Variants in MSI2 observed in about 807,000 individuals in gnomAD.
MSI2 encodes the protein RNA-binding protein Musashi homolog 2.
Under a neutral mutation model 45.6 loss-of-function variants are expected in MSI2, and 17 were observed. The observed-to-expected ratio is 0.37, with a 90% CI of 0.26 to 0.56. MSI2 has a LOEUF of 0.56. MSI2 is among the 20% of genes least tolerant of loss of function. The pLI, the probability that MSI2 is intolerant of heterozygous loss-of-function variation, is 0.77. For missense variants in MSI2, 293 were observed against 444.2 expected (o/e 0.66, Z 3.06); for synonymous variants, 156 against 158.2 (o/e 0.99, Z 0.11).
At chr17:57,616,396 T>C (rs11079314) in intron 9 of MSI2, 32,634 of 196,812 alleles carry the variant, frequency 0.17, 3,227 homozygotes, top group East Asian at 0.39. Flanking sequence ...GAAGGAAAAG[T>C]CCCCCTCTAT....
chr17:57,673,377 T>C lies in MSI2; in HGVS notation c.791-1595T>C, dbSNP rs7226355. ...CTTTGCCTCTGCCATTGAAGGCAAC[T>C]GGTCATAGGGCAGAGGGGGAGAAGC... On this transcript the variant is annotated intron_variant, in intron 11 of 13. Transcript: ENST00000284073. 9.8e-3 allele frequency among the ~76,000 whole-genome samples: 1,489 copies of C among 152,246 alleles called. 29 individuals are homozygous for C. Among genetic ancestry groups the C allele is most frequent in the African/African-American group, 0.034 (1,405 of 41,536 alleles).
At chr17:57,693,543 G>A in the MSI2 span, among the ~76,000 whole-genome samples, 3 of 152,180 alleles carry the variant, frequency 2.0e-5, no homozygotes, top group South Asian at 2.1e-4. Context: ...TTTTCTCCTA[G>A]CATTTCTGTT....
At chr17:57,408,059 C>A (rs2084117335) in intron 6 of MSI2, among the ~76,000 whole-genome samples, 1 of 152,180 alleles carries the variant, frequency 6.6e-6, no homozygotes, top group Admixed American at 6.5e-5. Context: ...TGCAGGTAAA[C>A]CCTCCTGCTA....
intron 11 of MSI2, among the ~76,000 whole-genome samples, chr17:57,674,692 G>A (rs926610429): frequency 7.9e-5 from 12 of 152,192 alleles, no homozygotes; most frequent in South Asian, 4.2e-4. Flanking sequence ...GTTGGTTGCC[G>A]TAGTGTGTTG....
At chr17:57,372,319 A>G (rs374183049) in intron 5 of MSI2, among the ~76,000 whole-genome samples, 2 of 152,248 alleles carry the variant, frequency 1.3e-5, no homozygotes, top group African/African-American at 4.8e-5. Flanking sequence ...AAGTTTGAAG[A>G]TGGAAATAGT....
intron 7 of MSI2, among the ~76,000 whole-genome samples, chr17:57,531,446 A>G (rs1483933605): frequency 1.3e-5 from 2 of 152,228 alleles, no homozygotes; most frequent in African/African-American, 4.8e-5. Flanking sequence ...TGAGAGACCC[A>G]TGGCTGAGCA....
rs5821192 is a variant in MSI2 at position 57,583,488 on chromosome 17, C to CTT, written c.455-13362_455-13361dup. Among the ~76,000 whole-genome samples the CTT allele has an allele frequency of 1.2e-3, 120 of 98,004 alleles. 3 individuals are homozygous for CTT. The highest frequency in any genetic ancestry group is 2.2e-3 in the African/African-American group (56 of 25,786). 64.3% of individuals were successfully genotyped at this position (98,004 alleles called of 152,430 possible). On this transcript the variant is annotated intron_variant, in intron 7 of 13. Transcript: ENST00000284073. ...TACTTTTTTCCTTCTCCCAATGTTT[C>CTT]TTTTTTTTTTTTTTTTTTTGAGACA...
chr17:57,313,490 C>T (rs1206825237), intron 5 of MSI2, among the ~76,000 whole-genome samples: 2 of 152,184 alleles, frequency 1.3e-5, no homozygotes, highest in Non-Finnish European at 2.9e-5. Context: ...CCTCTGAGGG[C>T]TGGGGGCAGC....
At chr17:57,621,329 C>T (rs927008113) in intron 9 of MSI2, among the ~76,000 whole-genome samples, 9 of 152,146 alleles carry the variant, frequency 5.9e-5, no homozygotes, top group Non-Finnish European at 1.0e-4. Flanking sequence ...TGAAATTAGA[C>T]GAGGTTTCCA....
intron 6 of MSI2, among the ~76,000 whole-genome samples, chr17:57,505,454 A>G (rs1378875365): frequency 2.6e-5 from 4 of 152,060 alleles, no homozygotes; most frequent in African/African-American, 7.2e-5. Context: ...ATATTCTTAC[A>G]TTTTCCTTGA....
At chr17:57,560,358 C>T (rs1310242089) in intron 7 of MSI2, among the ~76,000 whole-genome samples, 2 of 152,176 alleles carry the variant, frequency 1.3e-5, no homozygotes, top group East Asian at 1.9e-4. Context: ...TGCAGTAACC[C>T]GTGCCCCTCC....
intron 10 of MSI2, among the ~76,000 whole-genome samples, chr17:57,636,912 C>T (rs959332554): frequency 1.3e-5 from 2 of 152,202 alleles, no homozygotes; most frequent in African/African-American, 4.8e-5. Context: ...GGTAGGCTGC[C>T]ATAAGCATGG....
chr17:57,698,597 G>A, the MSI2 span, among the ~76,000 whole-genome samples: 2 of 152,116 alleles, frequency 1.3e-5, no homozygotes, highest in Non-Finnish European at 2.9e-5. Context: ...TGCGCCTTCC[G>A]TGGCTGCTTG....
intron 7 of MSI2, among the ~76,000 whole-genome samples, chr17:57,543,109 C>G (rs1176778235): frequency 6.6e-6 from 1 of 152,172 alleles, no homozygotes; most frequent in African/African-American, 2.4e-5. Flanking sequence ...TTCCTTTGCT[C>G]TAACAAAACG....
downstream of MSI2, among the ~76,000 whole-genome samples, chr17:57,686,082 G>T (rs1187032144): frequency 6.6e-6 from 1 of 152,212 alleles, no homozygotes; most frequent in East Asian, 1.9e-4. Flanking sequence ...GCCCATGGTT[G>T]TATAGCTGCT....
At chr17:57,632,969 A>G in intron 10 of MSI2, 1 of 1,051,838 alleles carries the variant, frequency 9.5e-7, no homozygotes, top group Non-Finnish European at 1.1e-6. Flanking sequence ...TCAAAGAACA[A>G]ATCTGTATGG....
chr17:57,609,750 C>T (rs1444923559), intron 8 of MSI2, among the ~76,000 whole-genome samples: 7 of 152,234 alleles, frequency 4.6e-5, no homozygotes, highest in African/African-American at 1.7e-4. Context: ...GGAGGAGTGG[C>T]CACTCATAGT....
chr17:57,257,065 G>A (rs1442683902), intron 1 of MSI2, 33 bp from the exon 2 acceptor site: 6 of 1,594,756 alleles, frequency 3.8e-6, no homozygotes, highest in African/African-American at 1.4e-5. Flanking sequence ...ATCTGACATC[G>A]GTGCTCACTT....
chr17:57,452,262 T>A (rs936083632), intron 6 of MSI2, among the ~76,000 whole-genome samples: 15 of 152,240 alleles, frequency 9.9e-5, no homozygotes, highest in African/African-American at 3.4e-4. Flanking sequence ...TGCAGCCCTC[T>A]TCTCTTCTCC....
Sources: allele counts gnomAD v4.1 joint callset (sites outside exome capture counted in the v4.1 genomes callset), GRCh38; gene constraint gnomAD v4.1.1; transcripts MANE v1.5; gene names NCBI Gene and HGNC (gene_info 2026-07-23, HGNC 2026-07-21).